The following RAB3B variants were observed in gnomAD, a reference collection of about 807,000 sequenced individuals.
RAB3B encodes ras-related protein Rab-3B.
A neutral mutation model predicts 20.5 loss-of-function variants in RAB3B; 11 were observed. The ratio of observed to expected loss-of-function variants is 0.54; its 90% CI spans 0.34 to 0.89. RAB3B has a LOEUF of 0.89. RAB3B is among the 40% of genes least tolerant of loss of function. The probability of loss-of-function intolerance (pLI) is 0.02; values close to 1 mark genes in which losing one functional copy is unlikely to be tolerated. For synonymous variants in RAB3B, 99 were observed against 106.3 expected (o/e 0.93, Z 0.42); for missense variants, 225 against 280.9 (o/e 0.80, Z 1.42).
rs150504191 is a variant in RAB3B, at chr1:51,982,670, T to C, written c.1-5553A>G. 4.7e-3 allele frequency among the ~76,000 whole-genome samples: 713 copies of C among 151,890 alleles called. 5 individuals carry two copies. The highest frequency in any genetic ancestry group is 0.017 in the African/African-American group (686 of 41,432). On this transcript the variant is annotated intron_variant, in intron 1 of 4. Transcript: ENST00000371655. ...CAGGAGGCTGAGGCACAAGAATTGC[T>C]TGAACTCGGGAGGTGGAGGTTGCAG... is the stretch of plus-strand genomic sequence containing the variant.
intron 1 of RAB3B, among the ~76,000 whole-genome samples, chr1:51,980,289 G>T (rs548499287): frequency 6.6e-6 from 1 of 151,982 alleles, no homozygotes; most frequent in Non-Finnish European, 1.5e-5. Context: ...TTAGCCAGCC[G>T]TGGTGGCACA....
intron 2 of RAB3B, among the ~76,000 whole-genome samples, chr1:51,976,453 C>T (rs931982379): frequency 6.6e-6 from 1 of 152,130 alleles, no homozygotes; most frequent in Admixed American, 6.5e-5. Context: ...ATTTAGTGTG[C>T]ATTTACTATG....
At chr1:51,939,605 G>C (rs1458217664) in intron 2 of RAB3B, among the ~76,000 whole-genome samples, 5 of 151,774 alleles carry the variant, frequency 3.3e-5, no homozygotes, top group African/African-American at 1.2e-4. Flanking sequence ...TTTTGAGACA[G>C]GATGTCACGC....
chr1:51,932,704 C>T (rs993738256), intron 4 of RAB3B, among the ~76,000 whole-genome samples: 1 of 152,172 alleles, frequency 6.6e-6, no homozygotes, highest in Admixed American at 6.5e-5. Flanking sequence ...GTTTGATATT[C>T]AAGACATGGT....
At chr1:51,926,137 C>T (rs1256863125) in intron 4 of RAB3B, among the ~76,000 whole-genome samples, 2 of 152,194 alleles carry the variant, frequency 1.3e-5, no homozygotes, top group African/African-American at 2.4e-5. Flanking sequence ...GCAGGAAAAA[C>T]AACAGGAGAG....
At chr1:51,930,759 TA>T (rs1684312274) in intron 4 of RAB3B, among the ~76,000 whole-genome samples, 1 of 152,204 alleles carries the variant, frequency 6.6e-6, no homozygotes, top group Admixed American at 6.5e-5. Flanking sequence ...CTCATGCCTA[TA>T]ATCCCAGCAC....
At chr1:51,939,450 C>T (rs1684459429) in intron 2 of RAB3B, among the ~76,000 whole-genome samples, 2 of 151,996 alleles carry the variant, frequency 1.3e-5, no homozygotes, top group South Asian at 2.1e-4. Context: ...GACAGGGTCT[C>T]ACTCTGTCAC....
intron 4 of RAB3B, among the ~76,000 whole-genome samples, chr1:51,925,916 A>G (rs1684237178): frequency 6.6e-6 from 1 of 152,252 alleles, no homozygotes; most frequent in South Asian, 2.1e-4. Context: ...TTAGAGCTAA[A>G]AGATGCTGGA....
intron 3 of RAB3B, among the ~76,000 whole-genome samples, chr1:51,934,538 G>A (rs576037629): frequency 6.6e-6 from 1 of 152,038 alleles, no homozygotes; most frequent in Non-Finnish European, 1.5e-5. Flanking sequence ...TTGTGAGGCC[G>A]AGGTGGGCGG....
At position 51,919,610 on chromosome 1, in the gene RAB3B, C is replaced by G. The variant is rs1571954725; in HGVS notation, c.*317G>C. ...TGTCAAATTTTGGTAAATGGAGGAA[C>G]TCTCATTTTAAAGGCAGAAAAGAGA... On this transcript the variant is annotated 3_prime_UTR_variant, in exon 5 of 5. Coordinates refer to ENST00000371655, the MANE Select transcript of RAB3B (RefSeq NM_002867.4). The G allele has an allele frequency of 8.3e-6, 2 of 241,734 alleles. No individual in the cohort carries two copies. The highest frequency in any genetic ancestry group is 7.9e-6 in the Non-Finnish European group (1 of 125,942). 15.0% of individuals were successfully genotyped at this position (241,734 alleles called of 1,614,324 possible). A position where few individuals can be genotyped will look rare whatever the true frequency, so the allele number is the denominator to read the frequency against.
At chr1:51,941,970 C>T (rs11802657) in intron 2 of RAB3B, among the ~76,000 whole-genome samples, 6,941 of 152,250 alleles carry the variant, frequency 0.046, 554 homozygotes, top group African/African-American at 0.16. Flanking sequence ...AGAAATCTGC[C>T]ATATCCACAT....
At chr1:51,931,646 CG>C (rs1309122814) in intron 4 of RAB3B, among the ~76,000 whole-genome samples, 2 of 152,116 alleles carry the variant, frequency 1.3e-5, no homozygotes, top group Non-Finnish European at 2.9e-5. Flanking sequence ...AGGGAACTTT[CG>C]GGAGACAGAC....
In RAB3B at chr1:51,954,307, T is replaced by C. The variant is rs532101847; in HGVS notation, c.229-16895A>G. On this transcript the variant is annotated intron_variant, in intron 2 of 4. Coordinates refer to ENST00000371655, the MANE Select transcript of RAB3B (RefSeq NM_002867.4). Reference sequence around the variant, plus strand: ...TAGCTACGCTTATGTTATAATGCTATGTTTAATAAAATTGAATATATAATC... The same window carrying C: ...TAGCTACGCTTATGTTATAATGCTACGTTTAATAAAATTGAATATATAATC... Among the ~76,000 whole-genome samples the C allele has an allele frequency of 3.9e-5, 6 of 152,358 alleles. No individual in the cohort carries two copies. The East Asian group carries it at 9.6e-4, about 24-fold the overall frequency.
intron 4 of RAB3B, among the ~76,000 whole-genome samples, chr1:51,927,693 A>G (rs1319737075): frequency 1.3e-5 from 2 of 152,172 alleles, no homozygotes; most frequent in Non-Finnish European, 2.9e-5. Flanking sequence ...GCTATTTGGG[A>G]TCAGGAGACT....
chr1:51,950,741 A>G (rs992164201), intron 2 of RAB3B, among the ~76,000 whole-genome samples: 5 of 152,200 alleles, frequency 3.3e-5, no homozygotes, highest in Admixed American at 6.5e-5. Flanking sequence ...TCTTCAATCC[A>G]GGCAAGATTA....
At chr1:51,954,511 G>T (rs550709283) in intron 2 of RAB3B, among the ~76,000 whole-genome samples, 2 of 152,290 alleles carry the variant, frequency 1.3e-5, no homozygotes, top group East Asian at 3.9e-4. Context: ...AGCACTGGCA[G>T]TTGCTATTCT....
chr1:51,944,205 G>A (rs1355332181), intron 2 of RAB3B, among the ~76,000 whole-genome samples: 2 of 152,144 alleles, frequency 1.3e-5, no homozygotes, highest in African/African-American at 4.8e-5. Context: ...TCTAGAAATC[G>A]AACAACTAAG....
chr1:51,975,997 A>G (rs1282629335), intron 2 of RAB3B, among the ~76,000 whole-genome samples: 1 of 151,828 alleles, frequency 6.6e-6, no homozygotes, highest in Non-Finnish European at 1.5e-5. Flanking sequence ...GTCTTAAAAA[A>G]AAAAAAAAGA....
chr1:51,945,356 T>C (rs1240928512), intron 2 of RAB3B, among the ~76,000 whole-genome samples: 2 of 152,172 alleles, frequency 1.3e-5, no homozygotes, highest in African/African-American at 4.8e-5. Context: ...TTTTAATTAA[T>C]GTATGTAAAT....
Sources: gnomAD v4.1 joint callset for allele counts (sites outside exome capture counted in the v4.1 genomes callset) on GRCh38, gnomAD v4.1.1 for gene constraint, MANE v1.5 for transcripts, NCBI Gene and HGNC (gene_info 2026-07-23, HGNC 2026-07-21) for gene names.